WNT2: variants seen among roughly 807,000 people sequenced by gnomAD.
WNT2 encodes the protein Wnt family member 2, also known as protein Wnt-2.
In WNT2, 12 loss-of-function variants were observed where a neutral mutation model predicts 36.9. The ratio of observed to expected loss-of-function variants is 0.33; its 90% CI spans 0.21 to 0.53. WNT2 has a LOEUF of 0.53. Among genes scored for constraint, WNT2 ranks in the 20% least tolerant of loss-of-function variants. The pLI is 0.95. For synonymous variants in WNT2, 163 were observed against 174.6 expected (o/e 0.93, Z 0.52); for missense variants, 379 against 473.1 (o/e 0.80, Z 1.84).
chr7:117,282,931 C>T (rs1392355801), intron 4 of WNT2, among the ~76,000 whole-genome samples: 1 of 152,066 alleles, frequency 6.6e-6, no homozygotes, highest in Non-Finnish European at 1.5e-5. Flanking sequence ...GGTGAGGAGG[C>T]AGGACCTGTG....
Position 117,278,131 on chromosome 7 carries a change from G to A in WNT2, c.*24C>T, listed in dbSNP as rs760978286. The A allele has an allele frequency of 6.2e-7, 1 of 1,612,096 alleles. No homozygotes were observed. The highest frequency in any genetic ancestry group is 2.2e-5 in the East Asian group (1 of 44,878). On this transcript the variant is annotated 3_prime_UTR_variant, in exon 5 of 5. Transcript: ENST00000265441. Reference sequence around the variant, plus strand: ...CCAATGGAGTCCTTGTAGAAGGGAAGGTGGATGGTGACGCCTGCTGGGGTC... The same window carrying A: ...CCAATGGAGTCCTTGTAGAAGGGAAAGTGGATGGTGACGCCTGCTGGGGTC...
rs139755212 is a variant in WNT2, at chr7:117,278,163, C to T, written c.1075G>A (p.Ala359Thr). 83 of 1,614,188 alleles carry T rather than the reference C, an allele frequency of 5.1e-5. No individual in the cohort carries two copies. The African/African-American group carries it at 6.3e-4, about 12-fold the overall frequency. ...GGTGACGCCTGCTGGGGTCATGTAGCGGTTGTCCAGTCAGCGTTCTTGGGG... is the reference window on the plus strand; with the variant it reads ...GGTGACGCCTGCTGGGGTCATGTAGTGGTTGTCCAGTCAGCGTTCTTGGGG... ...KAPKNADWTT[A>T]T Residue 359 changes from alanine (A) to threonine (T), a missense_variant, in exon 5 of 5, where the codon GCT becomes ACT. Coordinates refer to ENST00000265441, the MANE Select transcript of WNT2 (RefSeq NM_003391.3).
rs144898264 is a variant in WNT2, at chr7:117,322,536, T to TACACACACAC, written c.83+361_83+370dup. ...GCGGTTGTAGTTTTCAAGGTGAATT[T>TACACACACAC]ACACACACACACACACACACACACA... is the stretch of plus-strand genomic sequence containing the variant. On this transcript the variant is annotated intron_variant, in intron 1 of 4. Transcript: ENST00000265441. This position sits in a 1 kb window ranked among gnomAD's most constrained non-coding sequence, Gnocchi z 5.4. Among the ~76,000 whole-genome samples, 6,265 of 127,818 alleles carry TACACACACAC rather than the reference T, an allele frequency of 0.049. 181 individuals are homozygous for TACACACACAC. The highest frequency in any genetic ancestry group is 0.071 in the African/African-American group (2,266 of 32,140). The allele number at this position is 127,818 out of a possible 152,430, so 83.9% of individuals were successfully genotyped here.
intron 4 of WNT2, among the ~76,000 whole-genome samples, chr7:117,292,758 C>T (rs994933199): frequency 3.3e-5 from 5 of 152,260 alleles, no homozygotes; most frequent in African/African-American, 7.2e-5. Context: ...GAAAGAATGA[C>T]TCTCTTATAC....
chr7:117,319,720 C>T (rs1795289899), intron 2 of WNT2, among the ~76,000 whole-genome samples: 1 of 152,084 alleles, frequency 6.6e-6, no homozygotes. Flanking sequence ...TTGATTGTGT[C>T]CTAGCTAGTG....
chr7:117,307,019 G>T (rs936372828), intron 3 of WNT2, among the ~76,000 whole-genome samples: 1 of 151,600 alleles, frequency 6.6e-6, no homozygotes, highest in African/African-American at 2.4e-5. Context: ...ACCTGCAGAG[G>T]CTATTTTCTA....
In WNT2 at chr7:117,322,357, G is replaced by T. The variant is rs182354665; in HGVS notation, c.83+550C>A. 6.4e-6 allele frequency: 1 copy of T among 155,658 alleles called. No homozygotes were observed. Among genetic ancestry groups the T allele is most frequent in the Non-Finnish European group, 1.4e-5 (1 of 70,260 alleles). 9.6% of individuals were successfully genotyped at this position (155,658 alleles called of 1,614,324 possible). A position where few individuals can be genotyped will look rare whatever the true frequency, so the allele number is the denominator to read the frequency against. ...AGTCTCTAACTGGAGGCAGCAAAAT[G>T]TTCTTCCGCCCCACTGGGGTGAACC... On this transcript the variant is annotated intron_variant, in intron 1 of 4. Transcript: ENST00000265441. This position sits in a 1 kb window ranked among gnomAD's most constrained non-coding sequence, Gnocchi z 5.4.
At chr7:117,288,812 T>C (rs910082182) in intron 4 of WNT2, among the ~76,000 whole-genome samples, 12 of 152,190 alleles carry the variant, frequency 7.9e-5, no homozygotes, top group African/African-American at 2.7e-4. Context: ...CCTAAAAATA[T>C]AGTAATTCTA....
chr7:117,312,461 T>A (rs1354344619), intron 3 of WNT2, among the ~76,000 whole-genome samples: 1 of 152,224 alleles, frequency 6.6e-6, no homozygotes, highest in Non-Finnish European at 1.5e-5. Context: ...AAATGGCAGA[T>A]ATTGACCTTT....
In WNT2 at chr7:117,320,808, C is replaced by A. The variant is rs1311316242; in HGVS notation, c.84-15G>T. 6.3e-7 allele frequency: 1 copy of A among 1,598,890 alleles called. No individual in the cohort carries two copies. Among genetic ancestry groups the A allele is most frequent in the East Asian group, 2.2e-5 (1 of 44,662 alleles). On this transcript the variant is annotated splice_polypyrimidine_tract_variant and intron_variant, in intron 1 of 4. Transcript: ENST00000265441. Reference sequence around the variant, plus strand: ...CTCTCATGTACCTATAAGGGACCAACCAACACAGAGGTGAGGGCAACGTGA... The same window carrying A: ...CTCTCATGTACCTATAAGGGACCAAACAACACAGAGGTGAGGGCAACGTGA...
intron 2 of WNT2, among the ~76,000 whole-genome samples, chr7:117,318,404 C>A (rs1171284795): frequency 2.6e-5 from 4 of 152,162 alleles, no homozygotes; most frequent in Non-Finnish European, 5.9e-5. Context: ...GGGAACCTGG[C>A]CTTCTGTGAA....
rs1446847398 is a variant in WNT2, at chr7:117,277,870, A to T, written c.*285T>A. 2 of 445,508 alleles carry T rather than the reference A, an allele frequency of 4.5e-6. No homozygotes were observed. Among genetic ancestry groups the T allele is most frequent in the Non-Finnish European group, 8.2e-6 (2 of 244,628 alleles). 27.6% of individuals were successfully genotyped at this position (445,508 alleles called of 1,614,324 possible). A position where few individuals can be genotyped will look rare whatever the true frequency, so the allele number is the denominator to read the frequency against. On this transcript the variant is annotated 3_prime_UTR_variant, in exon 5 of 5. Transcript: ENST00000265441. The stretch of plus-strand genomic sequence containing the variant: ...TGGGTGGAGACAGTGGTCTGGGCCC[A>T]CCACCCTCCCGGCTGAACAGCCTGT...
intron 3 of WNT2, among the ~76,000 whole-genome samples, chr7:117,304,231 T>C (rs935756331): frequency 6.6e-6 from 1 of 152,174 alleles, no homozygotes; most frequent in Non-Finnish European, 1.5e-5. Flanking sequence ...GCTTCTAATG[T>C]TGCAGATGGG....
chr7:117,291,412 G>A (rs1189263889), intron 4 of WNT2, among the ~76,000 whole-genome samples: 2 of 152,172 alleles, frequency 1.3e-5, no homozygotes, highest in African/African-American at 4.8e-5. Flanking sequence ...AGGTGCAGAC[G>A]CATTCTCTGG....
chr7:117,318,117 A>G lies in WNT2; in HGVS notation c.310+2450T>C, dbSNP rs557294065. 3.3e-5 allele frequency among the ~76,000 whole-genome samples: 5 copies of G among 152,250 alleles called. No homozygotes were observed. In the East Asian group the frequency reaches 5.8e-4, roughly 18 times the overall value. Reference sequence around the variant, plus strand: ...AAAGTCAAACAGGCAAATGTTCTCCATTTCTCTATGACCACGGGACATTTT... The same window carrying G: ...AAAGTCAAACAGGCAAATGTTCTCCGTTTCTCTATGACCACGGGACATTTT... On this transcript the variant is annotated intron_variant, in intron 2 of 4. Transcript: ENST00000265441.
At chr7:117,279,521 C>A (rs1794443232) in intron 4 of WNT2, among the ~76,000 whole-genome samples, 1 of 152,150 alleles carries the variant, frequency 6.6e-6, no homozygotes, top group Admixed American at 6.5e-5. Context: ...GGCAGCTGTA[C>A]ACCATGGTGA....
chr7:117,292,928 AC>A (rs1214733861), intron 4 of WNT2, among the ~76,000 whole-genome samples: 2 of 152,150 alleles, frequency 1.3e-5, no homozygotes, highest in Admixed American at 1.3e-4. Flanking sequence ...TAGGAATCAT[AC>A]ACTGCCTAAA....
chr7:117,282,479 G>A (rs906870812), intron 4 of WNT2, among the ~76,000 whole-genome samples: 1 of 151,474 alleles, frequency 6.6e-6, no homozygotes, highest in African/African-American at 2.4e-5. Context: ...GGGAGGAGGA[G>A]AAAGAAGAAA....
At chr7:117,300,587 C>G (rs1794885560) in intron 3 of WNT2, among the ~76,000 whole-genome samples, 1 of 152,104 alleles carries the variant, frequency 6.6e-6, no homozygotes, top group African/African-American at 2.4e-5. Context: ...ATCACTTGAT[C>G]CCAGGAGTTC....
Sources: allele counts gnomAD v4.1 joint callset (sites outside exome capture counted in the v4.1 genomes callset), GRCh38; gene constraint gnomAD v4.1.1; non-coding constraint Gnocchi (gnomAD v3.1); transcripts MANE v1.5; gene names NCBI Gene and HGNC (gene_info 2026-07-23, HGNC 2026-07-21).